HMCN1: variants seen among roughly 807,000 people sequenced by gnomAD.
HMCN1 encodes hemicentin-1.
Under a neutral mutation model 625.9 loss-of-function variants are expected in HMCN1, and 321 were observed. The observed-to-expected ratio is 0.51, with a 90% CI of 0.47 to 0.56. The LOEUF (loss-of-function observed/expected upper bound fraction) is 0.56, where lower values mean the gene tolerates loss of function less well. Among genes scored for constraint, HMCN1 ranks in the 20% least tolerant of loss-of-function variants. The probability of loss-of-function intolerance (pLI) is 0.00; values close to 1 mark genes in which losing one functional copy is unlikely to be tolerated. For synonymous variants in HMCN1, 2,425 were observed against 2,417.6 expected, an observed-to-expected ratio of 1.00 and a Z score of -0.09; for missense variants, 6,588 against 6,887.3, an observed-to-expected ratio of 0.96 and a Z score of 1.54.
intron 36 of HMCN1, among the ~76,000 whole-genome samples, chr1:186,034,133 T>G (rs189534206): frequency 2.2e-4 from 33 of 151,948 alleles, no homozygotes; most frequent in African/African-American, 8.0e-4. Context: ...CATATCAGAG[T>G]GATATAATGT....
chr1:185,750,823 T>C, intron 1 of HMCN1, among the ~76,000 whole-genome samples: 1 of 152,020 alleles, frequency 6.6e-6, no homozygotes, highest in African/African-American at 2.4e-5. Flanking sequence ...TGAGTTTTTT[T>C]AAAATTCTAT....
chr1:186,106,874 G>T lies in HMCN1; in HGVS notation c.10771-10G>T, dbSNP rs753273442. 9.5e-6 allele frequency: 15 copies of T among 1,571,054 alleles called. No homozygotes were observed. Among genetic ancestry groups the T allele is most frequent in the Non-Finnish European group, 1.3e-5 (15 of 1,140,918 alleles). ...TTAACATTATGTAATTCATTATTTG[G>T]GTTTTGTAGGTGGAGGATACAGGAA... On this transcript the variant is annotated splice_polypyrimidine_tract_variant and intron_variant, in intron 69 of 106. Coordinates refer to ENST00000271588, the MANE Select transcript of HMCN1 (RefSeq NM_031935.3).
At chr1:186,137,746 T>G (rs1432344980) in intron 88 of HMCN1, 56 bp from the exon 89 acceptor site, 4 of 1,613,766 alleles carry the variant, frequency 2.5e-6, no homozygotes, top group Non-Finnish European at 3.4e-6. Context: ...ATTGCCCCAG[T>G]GTAAGTATTC....
intron 1 of HMCN1, among the ~76,000 whole-genome samples, chr1:185,819,706 T>TAATTAGAGA (rs1192275097): frequency 1.3e-5 from 2 of 152,188 alleles, no homozygotes; most frequent in African/African-American, 2.4e-5. Context: ...TGTTTGGAAA[T>TAATTAGAGA]AATTAGAGAA....
chr1:185,734,926 T>C lies in HMCN1; in HGVS notation c.147T>C (p.Thr49=). The stretch of plus-strand genomic sequence containing the variant: ...CGTTGGCTTTTGTGTTTGATGTGAC[T>C]GGTTCTATGTATGATGATTTAGTTC... ...ASTLAFVFDV[T]GSMYDDLVQV... Residue 49 remains threonine (T), a synonymous_variant, in exon 1 of 107, where the codon ACT becomes ACC. Coordinates refer to ENST00000271588, the MANE Select transcript of HMCN1 (RefSeq NM_031935.3). 2 of 1,614,200 alleles carry C rather than the reference T, an allele frequency of 1.2e-6. No homozygotes were observed. The highest frequency in any genetic ancestry group is 1.7e-6 in the Non-Finnish European group (2 of 1,180,026).
chr1:185,979,399 T>G (rs891524800), intron 16 of HMCN1, among the ~76,000 whole-genome samples: 3 of 152,004 alleles, frequency 2.0e-5, no homozygotes, highest in Non-Finnish European at 4.4e-5. Context: ...ACCCAGATGT[T>G]GATAAAAAGT....
chr1:186,138,819 A>G (rs1413821366), intron 89 of HMCN1, among the ~76,000 whole-genome samples: 2 of 152,202 alleles, frequency 1.3e-5, no homozygotes, highest in Admixed American at 6.5e-5. Flanking sequence ...TTTAATAGCC[A>G]TCTTGGGTGA....
Position 185,769,864 on chromosome 1 carries a change from T to C in HMCN1, c.268+34817T>C, listed in dbSNP as rs1656119474. On this transcript the variant is annotated intron_variant, in intron 1 of 106. Coordinates refer to ENST00000271588, the MANE Select transcript of HMCN1 (RefSeq NM_031935.3). ...ACAGATGCTAGCTTAGGCTTTTTTA[T>C]ATAGTGGCTGGCAGGGTTCTAAGAG... 3.3e-5 allele frequency among the ~76,000 whole-genome samples: 5 copies of C among 152,248 alleles called. No individual in the cohort carries two copies. In the South Asian group the frequency reaches 1.0e-3, roughly 32 times the overall value.
rs932516562 is a variant in HMCN1, at chr1:186,177,759, A to C, written c.15944-657A>C. Among the ~76,000 whole-genome samples the C allele has an allele frequency of 1.1e-4, 17 of 152,060 alleles. 1 individual carries two copies. Among genetic ancestry groups the C allele is most frequent in the African/African-American group, 4.1e-4 (17 of 41,320 alleles). ...CATCTGAAATATTTGTCAAAAGAGA[A>C]AAAACAAGAGAGAAATTTCCCAAAT... On this transcript the variant is annotated intron_variant, in intron 103 of 106. Coordinates refer to ENST00000271588, the MANE Select transcript of HMCN1 (RefSeq NM_031935.3).
At chr1:186,097,641 A>G (rs1660196067) in intron 68 of HMCN1, among the ~76,000 whole-genome samples, 1 of 152,178 alleles carries the variant, frequency 6.6e-6, no homozygotes, top group Non-Finnish European at 1.5e-5. Context: ...CAAAACAATC[A>G]GATTCAATGC....
intron 71 of HMCN1, among the ~76,000 whole-genome samples, chr1:186,110,974 A>ATTTTTTTTTTTTTTTTTTT (rs778503338): frequency 1.1e-3 from 68 of 59,878 alleles, no homozygotes; most frequent in African/African-American, 2.3e-3. Flanking sequence ...ACCAGAGAAA[A>ATTTTTTTTTTTTTTTTTTT]TTCTTTTTTT....
intron 30 of HMCN1, among the ~76,000 whole-genome samples, chr1:186,009,771 A>G (rs1653874747): frequency 6.6e-6 from 1 of 152,188 alleles, no homozygotes; most frequent in South Asian, 2.1e-4. Context: ...AAGTTTTAAT[A>G]TCCTATCAGG....
At chr1:185,741,083 G>C (rs367570671) in intron 1 of HMCN1, among the ~76,000 whole-genome samples, 256 of 152,276 alleles carry the variant, frequency 1.7e-3, no homozygotes, top group African/African-American at 5.5e-3. Flanking sequence ...CTCTTGCCAT[G>C]TGATCTCTTT....
At chr1:185,956,248 T>A (rs1490099495) in intron 11 of HMCN1, among the ~76,000 whole-genome samples, 2 of 152,094 alleles carry the variant, frequency 1.3e-5, no homozygotes, top group Admixed American at 1.3e-4. Context: ...ACCAGCCAGG[T>A]GATCCTCCAA....
chr1:185,750,836 T>C (rs2200266), intron 1 of HMCN1, among the ~76,000 whole-genome samples: 6,080 of 151,622 alleles, frequency 0.04, 357 homozygotes, highest in African/African-American at 0.14. Flanking sequence ...AATTCTATTT[T>C]CCCCCCCTCC....
At chr1:185,741,631 G>A (rs1472679540) in intron 1 of HMCN1, among the ~76,000 whole-genome samples, 1 of 152,148 alleles carries the variant, frequency 6.6e-6, no homozygotes, top group African/African-American at 2.4e-5. Flanking sequence ...AGCAGCCCAC[G>A]AAATTGAACT....
chr1:185,826,891 T>C (rs897177439), intron 1 of HMCN1, among the ~76,000 whole-genome samples: 6 of 152,076 alleles, frequency 3.9e-5, no homozygotes, highest in Non-Finnish European at 8.8e-5. Context: ...TACTATATGA[T>C]ACCAAAAAGG....
At position 185,977,868 on chromosome 1, in the gene HMCN1, G is replaced by A. The variant is rs1395561449; in HGVS notation, c.2453G>A (p.Gly818Asp). ...GTGACATTACCTTGTTATGTTCAGG[G>A]TTATCCAGAACCAACAATCAAATGG... is the stretch of plus-strand genomic sequence containing the variant. ...SNVTLPCYVQ[G>D]YPEPTIKWRR... The change falls in exon 16 of 107, where the codon GGT (glycine) becomes GAT (aspartate). Residue 818 changes from glycine (G) to aspartate (D), a missense_variant. Around this residue, in one of 3 missense-constraint regions of HMCN1, gnomAD observed 4,628 missense variants for 4,853.1 expected, o/e 0.95. Coordinates refer to ENST00000271588, the MANE Select transcript of HMCN1 (RefSeq NM_031935.3). 6.2e-7 allele frequency: 1 copy of A among 1,612,140 alleles called. No homozygotes were observed. The highest frequency in any genetic ancestry group is 8.5e-7 in the Non-Finnish European group (1 of 1,178,568).
chr1:185,795,841 ATG>A (rs1658335092), intron 1 of HMCN1, among the ~76,000 whole-genome samples: 1 of 152,204 alleles, frequency 6.6e-6, no homozygotes, highest in Non-Finnish European at 1.5e-5. Context: ...GCTCACTCTT[ATG>A]TCACAAGGTC....
Sources: gnomAD v4.1 joint callset for allele counts (sites outside exome capture counted in the v4.1 genomes callset) on GRCh38, gnomAD v4.1.1 for gene constraint, gnomAD v4.1.1 regional missense constraint, MANE v1.5 for transcripts, NCBI Gene and HGNC (gene_info 2026-07-23, HGNC 2026-07-21) for gene names.